The following DEFB110 variants were observed in gnomAD, a reference collection of about 807,000 sequenced individuals.
DEFB110 encodes beta-defensin 110.
DEFB110 carries 4 observed loss-of-function variants against 2.5 expected under a neutral mutation model. That is an observed-to-expected ratio of 1.60 (90% CI 0.79 to 3.66). The LOEUF (loss-of-function observed/expected upper bound fraction) is 3.66. Ranked by LOEUF, DEFB110 falls within the 30% of genes most tolerant of loss-of-function variation. DEFB110 has a pLI of 0.01. For missense variants in DEFB110, 94 were observed against 75.4 expected (o/e 1.25, Z -0.91); for synonymous variants, 29 against 21.8 (o/e 1.33, Z -0.92).
chr6:50,019,109 A>G lies in DEFB110; in HGVS notation c.72T>C (p.Pro24=), dbSNP rs539579125. The part of the protein sequence containing the change: ...VTILPAKKKY[P]EYGSLDLRRE... Reference sequence around the variant, plus strand: ...TCCTCAAGTCCAAGCTACCATACTCAGGATATTTCTTTTTGGCTGTAAGAA... The same window carrying G: ...TCCTCAAGTCCAAGCTACCATACTCGGGATATTTCTTTTTGGCTGTAAGAA... The change falls in exon 2 of 2, where the codon CCT becomes CCC. Residue 24 remains proline (P), a synonymous_variant. Coordinates refer to ENST00000371148, the MANE Select transcript of DEFB110 (RefSeq NM_001037497.2). 6.2e-7 allele frequency: 1 copy of G among 1,611,980 alleles called. No homozygotes were observed. The highest frequency in any genetic ancestry group is 1.3e-5 in the African/African-American group (1 of 74,928).
downstream of DEFB110, chr6:50,018,816 G>A: frequency 1.5e-6 from 2 of 1,316,418 alleles, no homozygotes; most frequent in South Asian, 2.3e-5. Flanking sequence ...AAAGGCACCA[G>A]ACATGAGCGT....
chr6:50,011,147 A>G (rs1774221214), intron 1 of DEFB110, among the ~76,000 whole-genome samples: 1 of 151,452 alleles, frequency 6.6e-6, no homozygotes, highest in African/African-American at 2.4e-5. Context: ...TTGTTATGAA[A>G]ATTGATACGT....
intron 1 of DEFB110, among the ~76,000 whole-genome samples, chr6:50,020,413 C>A (rs929562948): frequency 6.6e-6 from 1 of 150,874 alleles, no homozygotes; most frequent in Non-Finnish European, 1.5e-5. Flanking sequence ...CTGGCCGATT[C>A]GTTTTCAGAA....
intron 1 of DEFB110, among the ~76,000 whole-genome samples, chr6:50,010,989 T>C (rs1168284161): frequency 6.6e-6 from 1 of 151,816 alleles, no homozygotes; most frequent in East Asian, 1.9e-4. Context: ...TTTTGAGTTA[T>C]GAGGAAATCT....
downstream of DEFB110, among the ~76,000 whole-genome samples, chr6:50,018,148 G>A (rs77910059): frequency 3.7e-4 from 56 of 151,974 alleles, no homozygotes; most frequent in East Asian, 1.4e-3. Context: ...GGAATACTGT[G>A]GCTCCTCAGA....
downstream of DEFB110, among the ~76,000 whole-genome samples, chr6:50,017,954 T>C (rs1488575224): frequency 6.6e-6 from 1 of 152,012 alleles, no homozygotes; most frequent in Non-Finnish European, 1.5e-5. Flanking sequence ...TGGTTAATTT[T>C]ATTTTGAGGG....
At chr6:50,021,739 TG>T in intron 1 of DEFB110, 141 bp downstream of exon 1, 1 of 787,274 alleles carries the variant, frequency 1.3e-6, no homozygotes, top group Non-Finnish European at 1.9e-6. Flanking sequence ...TTATCTGTTC[TG>T]GAGTCCAATC....
At chr6:50,019,191 G>T (rs555984627) in intron 1 of DEFB110, 66 bp from the exon 2 acceptor site, 2 of 1,513,128 alleles carry the variant, frequency 1.3e-6, no homozygotes, top group African/African-American at 1.4e-5. Flanking sequence ...TTTAAAAGGA[G>T]AAAGTCCATG....
intron 1 of DEFB110, among the ~76,000 whole-genome samples, chr6:50,011,871 G>A (rs1424793420): frequency 6.6e-6 from 1 of 151,964 alleles, no homozygotes; most frequent in Non-Finnish European, 1.5e-5. Flanking sequence ...GCAAGGCCGT[G>A]GGTCAGTTGA....
At chr6:50,013,228 C>T (rs1278101408) in intron 1 of DEFB110, among the ~76,000 whole-genome samples, 2 of 151,772 alleles carry the variant, frequency 1.3e-5, no homozygotes, top group African/African-American at 4.8e-5. Flanking sequence ...GACTCAAAAG[C>T]AATATATATG....
chr6:50,014,786 A>G (rs916966063), downstream of DEFB110, among the ~76,000 whole-genome samples: 2 of 151,610 alleles, frequency 1.3e-5, no homozygotes, highest in African/African-American at 4.8e-5. Context: ...TTCAGCACCA[A>G]ATTAACCTGC....
intron 1 of DEFB110, among the ~76,000 whole-genome samples, chr6:50,011,320 G>A (rs2113937041): frequency 6.6e-6 from 1 of 152,030 alleles, no homozygotes; most frequent in Non-Finnish European, 1.5e-5. Context: ...ATTGTTTGGA[G>A]GAAAGATGCA....
chr6:50,017,738 G>A (rs1774341450), downstream of DEFB110, among the ~76,000 whole-genome samples: 2 of 151,832 alleles, frequency 1.3e-5, no homozygotes, highest in African/African-American at 4.8e-5. Context: ...ATGGCTTGTT[G>A]TAGATAATGC....
chr6:50,012,341 T>A (rs1774241360), intron 1 of DEFB110, among the ~76,000 whole-genome samples: 2 of 151,856 alleles, frequency 1.3e-5, no homozygotes, highest in South Asian at 4.1e-4. Flanking sequence ...CATAGGAAAA[T>A]GCTTGAAACA....
In DEFB110 at chr6:50,018,899, C is replaced by G; in HGVS notation, c.*78G>C. ...CTTGTGTATTATAGAGACACACACG[C>G]CTTGAAGGATGTGCTGGGAAAACTT... On this transcript the variant is annotated 3_prime_UTR_variant, in exon 2 of 2. Coordinates refer to ENST00000371148, the MANE Select transcript of DEFB110 (RefSeq NM_001037497.2). The G allele has an allele frequency of 6.6e-7, 1 of 1,512,842 alleles. No homozygotes were observed. Among genetic ancestry groups the G allele is most frequent in the South Asian group, 1.3e-5 (1 of 74,918 alleles). 93.7% of individuals were successfully genotyped at this position (1,512,842 alleles called of 1,614,324 possible).
At chr6:50,021,841 A>G (rs756437234) in intron 1 of DEFB110, 40 bp downstream of exon 1, 2 of 1,522,658 alleles carry the variant, frequency 1.3e-6, no homozygotes, top group East Asian at 4.8e-5. Context: ...TGTCTTCTCA[A>G]ATTTGTTAGT....
chr6:50,016,086 T>C (rs1305577779), downstream of DEFB110, among the ~76,000 whole-genome samples: 2 of 151,836 alleles, frequency 1.3e-5, no homozygotes, highest in South Asian at 2.1e-4. Flanking sequence ...CCTGAATAAG[T>C]ACATTGCTAA....
chr6:50,010,760 A>T (rs1774213413), intron 1 of DEFB110, among the ~76,000 whole-genome samples: 1 of 151,690 alleles, frequency 6.6e-6, no homozygotes, highest in South Asian at 2.1e-4. Flanking sequence ...ATGATGCATA[A>T]TTGCATATAC....
downstream of DEFB110, among the ~76,000 whole-genome samples, chr6:50,018,488 G>A (rs2113941770): frequency 6.6e-6 from 1 of 151,942 alleles, no homozygotes; most frequent in Admixed American, 6.6e-5. Flanking sequence ...CTTCAGCTCT[G>A]TCTCTCTCAC....
Sources: gnomAD v4.1 joint callset for allele counts (sites outside exome capture counted in the v4.1 genomes callset) on GRCh38, gnomAD v4.1.1 for gene constraint, MANE v1.5 for transcripts, NCBI Gene and HGNC (gene_info 2026-07-23, HGNC 2026-07-21) for gene names.